CLIC5: variants seen among roughly 807,000 people sequenced by gnomAD.
CLIC5 encodes CLIC family member 5.
A neutral mutation model predicts 24.7 loss-of-function variants in CLIC5; 20 were observed. The ratio of observed to expected loss-of-function variants is 0.81; its 90% CI spans 0.57 to 1.18. The LOEUF is 1.18. Among genes scored for constraint, CLIC5 ranks in the 50% most tolerant of loss-of-function variants. CLIC5 has a pLI of 0.00. For missense variants in CLIC5, 341 were observed against 326.1 expected (o/e 1.05, Z -0.35); for synonymous variants, 159 against 135.6 (o/e 1.17, Z -1.20).
chr6:46,005,910 G>T (rs1423445638), intron 1 of CLIC5, among the ~76,000 whole-genome samples: 1 of 149,564 alleles, frequency 6.7e-6, no homozygotes, highest in Non-Finnish European at 1.5e-5. Context: ...AATTTCTGTT[G>T]TTTATAAGCT....
intron 3 of CLIC5, among the ~76,000 whole-genome samples, chr6:45,948,213 G>A (rs1764350136): frequency 6.6e-6 from 1 of 152,188 alleles, no homozygotes; most frequent in African/African-American, 2.4e-5. Flanking sequence ...TAAAATAAAT[G>A]CAGGATGGTG....
At chr6:46,115,646 A>G in the CLIC5 span, among the ~76,000 whole-genome samples, 4 of 152,264 alleles carry the variant, frequency 2.6e-5, no homozygotes, top group Non-Finnish European at 4.4e-5. Flanking sequence ...TGACTTCAAC[A>G]GAAGCAGCCT....
At chr6:46,045,583 G>A (rs1166659645) in intron 1 of CLIC5, among the ~76,000 whole-genome samples, 2 of 152,148 alleles carry the variant, frequency 1.3e-5, no homozygotes, top group Non-Finnish European at 2.9e-5. Flanking sequence ...GTTCATGGAA[G>A]TTTACTTAGT....
intron 1 of CLIC5, among the ~76,000 whole-genome samples, chr6:46,054,106 A>C (rs1417312521): frequency 5.3e-5 from 8 of 151,960 alleles, no homozygotes; most frequent in Non-Finnish European, 1.0e-4. Flanking sequence ...CCTCAAAATG[A>C]TTTTTCACAA....
intron 1 of CLIC5, among the ~76,000 whole-genome samples, chr6:45,998,114 T>C (rs191184114): frequency 5.3e-4 from 80 of 152,352 alleles, no homozygotes; most frequent in Non-Finnish European, 7.8e-4. Flanking sequence ...CTTCACAGAA[T>C]GGCTTTCCTG....
chr6:46,024,591 C>G (rs1439700889), intron 1 of CLIC5, among the ~76,000 whole-genome samples: 1 of 152,186 alleles, frequency 6.6e-6, no homozygotes, highest in Non-Finnish European at 1.5e-5. Flanking sequence ...ACTTGGATGT[C>G]TCAGTGCCTG....
intron 1 of CLIC5, among the ~76,000 whole-genome samples, chr6:45,957,488 C>A (rs867909139): frequency 2.0e-5 from 3 of 152,166 alleles, no homozygotes; most frequent in African/African-American, 4.8e-5. Flanking sequence ...TGCCTGGAGC[C>A]AGCCTGAGGG....
At chr6:45,953,586 G>A (rs1462919442) in intron 2 of CLIC5, among the ~76,000 whole-genome samples, 1 of 152,194 alleles carries the variant, frequency 6.6e-6, no homozygotes, top group East Asian at 1.9e-4. Flanking sequence ...GGTGAGAAGT[G>A]TTGGGAAAGA....
At chr6:46,048,105 C>A (rs4329116) in intron 1 of CLIC5, among the ~76,000 whole-genome samples, 4,149 of 151,428 alleles carry the variant, frequency 0.027, 203 homozygotes, top group African/African-American at 0.096. Context: ...CTGGTTCAAG[C>A]GATTCTCATG....
chr6:46,120,493 A>G, the CLIC5 span, among the ~76,000 whole-genome samples: 1 of 152,242 alleles, frequency 6.6e-6, no homozygotes. Context: ...AAAACAGAAC[A>G]GAAAAACTGA....
chr6:45,958,422 TTATATATATATATA>T (rs35922936), intron 1 of CLIC5, among the ~76,000 whole-genome samples: 94 of 8,364 alleles, frequency 0.011, no homozygotes, highest in African/African-American at 0.026. Context: ...AAAAAGACAA[TTATATATATATATA>T]TATATATATA....
intron 1 of CLIC5, among the ~76,000 whole-genome samples, chr6:46,071,653 G>A (rs1056746207): frequency 1.3e-5 from 2 of 152,074 alleles, no homozygotes; most frequent in Admixed American, 1.3e-4. Flanking sequence ...AGTTAGTTCA[G>A]CCTTTGTGGA....
upstream of CLIC5, chr6:46,080,407 G>A (rs908705407): frequency 3.3e-6 from 2 of 609,828 alleles, no homozygotes; most frequent in Admixed American, 5.9e-5. Context: ...ATTTACTGGA[G>A]AGTTTTATAA....
intron 1 of CLIC5, among the ~76,000 whole-genome samples, chr6:46,065,475 T>C (rs1176214588): frequency 6.6e-6 from 1 of 152,142 alleles, no homozygotes; most frequent in East Asian, 1.9e-4. Context: ...TAAATCTTTA[T>C]AGCAGCCTCA....
chr6:46,047,437 T>C (rs185341288), intron 1 of CLIC5, among the ~76,000 whole-genome samples: 3 of 152,202 alleles, frequency 2.0e-5, no homozygotes, highest in South Asian at 2.1e-4. Flanking sequence ...GATATGAAGA[T>C]TGAAATTTGA....
At chr6:46,128,554 G>T in the CLIC5 span, among the ~76,000 whole-genome samples, 1 of 152,182 alleles carries the variant, frequency 6.6e-6, no homozygotes, top group African/African-American at 2.4e-5. Context: ...AACAACATGT[G>T]TCAGATACTG....
At chr6:46,045,946 A>G (rs1767941400) in intron 1 of CLIC5, among the ~76,000 whole-genome samples, 1 of 152,104 alleles carries the variant, frequency 6.6e-6, no homozygotes, top group East Asian at 1.9e-4. Context: ...TGGTATTATT[A>G]TTTTTCAAAT....
intron 1 of CLIC5, among the ~76,000 whole-genome samples, chr6:46,050,205 C>A (rs1768065406): frequency 6.6e-6 from 1 of 152,176 alleles, no homozygotes; most frequent in Admixed American, 6.5e-5. Flanking sequence ...TGCAGAGCAA[C>A]CAAAGTTAAT....
chr6:46,082,179 A>C (rs545962520), upstream of CLIC5, among the ~76,000 whole-genome samples: 8 of 152,292 alleles, frequency 5.3e-5, no homozygotes, highest in Non-Finnish European at 1.2e-4. Context: ...CTGCATTATT[A>C]CAAAGAATAG....
Sources: allele counts gnomAD v4.1 joint callset (sites outside exome capture counted in the v4.1 genomes callset), GRCh38; gene constraint gnomAD v4.1.1; transcripts MANE v1.5; gene names NCBI Gene and HGNC (gene_info 2026-07-23, HGNC 2026-07-21).